Variants in FMN2 observed in about 807,000 individuals in gnomAD.
FMN2 encodes the protein formin-2.
A neutral mutation model predicts 142.3 loss-of-function variants in FMN2; 51 were observed. That is an observed-to-expected ratio of 0.36 (90% CI 0.29 to 0.45). The LOEUF (loss-of-function observed/expected upper bound fraction) is 0.45. FMN2 is among the 20% of genes least tolerant of loss of function. FMN2 has a pLI of 1.00. For synonymous variants in FMN2, 882 were observed against 869.8 expected (o/e 1.01, Z -0.25); for missense variants, 1,936 against 2,122.8 (o/e 0.91, Z 1.73).
At chr1:240,179,805 G>A (rs571176550) in intron 3 of FMN2, among the ~76,000 whole-genome samples, 4 of 152,258 alleles carry the variant, frequency 2.6e-5, no homozygotes, top group East Asian at 1.9e-4. Context: ...TGCATGGAGA[G>A]CCCTTTTATC....
intron 14 of FMN2, among the ~76,000 whole-genome samples, chr1:240,370,662 C>T (rs1009321633): frequency 6.6e-6 from 1 of 152,066 alleles, no homozygotes; most frequent in Admixed American, 6.6e-5. Flanking sequence ...TCACATGTGT[C>T]CACTCCACTC....
Position 240,329,368 on chromosome 1 carries a change from A to G in FMN2, c.4337A>G (p.Asn1446Ser), listed in dbSNP as rs753960077. 15 of 1,613,550 alleles carry G rather than the reference A, an allele frequency of 9.3e-6. No homozygotes were observed. Among genetic ancestry groups the G allele is most frequent in the South Asian group, 7.7e-5 (7 of 90,918 alleles). ...CTTTATGAACTGTCACTAATCCCCA[A>G]CTTTTCAGAGCGAGTCTTTTGCATC... Reference protein sequence around the residue: ...QFLYELSLIPNFSERVFCILF... With the variant: ...QFLYELSLIPSFSERVFCILF... Residue 1446 changes from asparagine (N) to serine (S), a missense_variant, in exon 10 of 18, where the codon AAC (asparagine) becomes AGC (serine). Coordinates refer to ENST00000319653, the MANE Select transcript of FMN2 (RefSeq NM_020066.5).
At chr1:240,222,734 A>C (rs943776967) in intron 6 of FMN2, among the ~76,000 whole-genome samples, 1 of 151,832 alleles carries the variant, frequency 6.6e-6, no homozygotes, top group African/African-American at 2.4e-5. Flanking sequence ...ATTCCTAGGT[A>C]TTTTATTCTC....
In FMN2 at chr1:240,434,584, T is replaced by C. The variant is rs1213333684; in HGVS notation, c.4911-3477T>C. 4.0e-5 allele frequency among the ~76,000 whole-genome samples: 6 copies of C among 151,388 alleles called. No individual in the cohort carries two copies. The East Asian group carries it at 5.8e-4, about 15-fold the overall frequency. On this transcript the variant is annotated intron_variant, in intron 15 of 17. Coordinates refer to ENST00000319653, the MANE Select transcript of FMN2 (RefSeq NM_020066.5). Reference sequence around the variant, plus strand: ...TTTTTTGTTTTTTGTTTTTTTGAGATGGAGTCTCGCTCTGTCACCCAGGCT... The same window carrying C: ...TTTTTTGTTTTTTGTTTTTTTGAGACGGAGTCTCGCTCTGTCACCCAGGCT...
intron 16 of FMN2, among the ~76,000 whole-genome samples, chr1:240,444,441 G>A (rs1675737129): frequency 1.3e-5 from 2 of 152,164 alleles, no homozygotes; most frequent in South Asian, 4.1e-4. Context: ...GTGTATTGTG[G>A]CCTATCATTA....
At chr1:240,367,404 TAA>T (rs1410439173) in intron 14 of FMN2, among the ~76,000 whole-genome samples, 2 of 152,228 alleles carry the variant, frequency 1.3e-5, no homozygotes, top group African/African-American at 2.4e-5. Context: ...CTATTGATTT[TAA>T]AAGTTCTTTA....
chr1:240,412,119 G>A (rs1187661818), intron 15 of FMN2, among the ~76,000 whole-genome samples: 1 of 152,158 alleles, frequency 6.6e-6, no homozygotes, highest in African/African-American at 2.4e-5. Flanking sequence ...GAAGAGGGAT[G>A]CCAATTCAAA....
At chr1:240,275,694 T>C (rs528197862) in intron 7 of FMN2, among the ~76,000 whole-genome samples, 1 of 152,246 alleles carries the variant, frequency 6.6e-6, no homozygotes, top group South Asian at 2.1e-4. Context: ...TTGAACTAAT[T>C]TACACTCTCA....
intron 16 of FMN2, among the ~76,000 whole-genome samples, chr1:240,465,459 T>C (rs1676585600): frequency 6.6e-6 from 1 of 151,970 alleles, no homozygotes; most frequent in African/African-American, 2.4e-5. Context: ...GACCTGATGG[T>C]GTTATGTTTT....
intron 6 of FMN2, among the ~76,000 whole-genome samples, chr1:240,250,585 A>G (rs979915141): frequency 2.0e-5 from 3 of 152,186 alleles, no homozygotes; most frequent in Non-Finnish European, 4.4e-5. Flanking sequence ...TATCAGGGTA[A>G]TGCTGACCTG....
chr1:240,220,305 C>T (rs1180829251), intron 6 of FMN2, among the ~76,000 whole-genome samples: 1 of 152,162 alleles, frequency 6.6e-6, no homozygotes, highest in Non-Finnish European at 1.5e-5. Flanking sequence ...CCCAGCTCTG[C>T]TCTACTCTAG....
Position 240,132,515 on chromosome 1 carries a change from G to A in FMN2, c.1782+9170G>A, listed in dbSNP as rs1034177443. On this transcript the variant is annotated intron_variant, in intron 2 of 17. Transcript: ENST00000319653. Reference sequence around the variant, plus strand: ...CAGTCCATGGTGGAGAGGTAGGCTCGTTGTGATTAGAATTGAGAAGCTCAG... The same window carrying A: ...CAGTCCATGGTGGAGAGGTAGGCTCATTGTGATTAGAATTGAGAAGCTCAG... 9.9e-5 allele frequency among the ~76,000 whole-genome samples: 15 copies of A among 152,230 alleles called. 1 individual carries two copies. In the Middle Eastern group the frequency reaches 0.01, roughly 104 times the overall value.
intron 2 of FMN2, among the ~76,000 whole-genome samples, chr1:240,139,590 AAAAG>A (rs934545504): frequency 3.9e-5 from 6 of 152,228 alleles, no homozygotes; most frequent in African/African-American, 1.4e-4. Flanking sequence ...ATATTTTTTA[AAAAG>A]AAAGAAGGAG....
intron 4 of FMN2, among the ~76,000 whole-genome samples, chr1:240,197,699 G>A (rs1258083838): frequency 6.6e-6 from 1 of 151,136 alleles, no homozygotes; most frequent in Non-Finnish European, 1.5e-5. Flanking sequence ...AGAGAATAGG[G>A]AAAGCATTGT....
At chr1:240,110,939 G>T (rs993263616) in intron 1 of FMN2, among the ~76,000 whole-genome samples, 53 of 152,254 alleles carry the variant, frequency 3.5e-4, no homozygotes, top group African/African-American at 1.2e-3. Flanking sequence ...ATTTGAATCT[G>T]TGATTACCTT....
intron 6 of FMN2, among the ~76,000 whole-genome samples, chr1:240,212,430 A>G (rs1352210719): frequency 1.3e-5 from 2 of 152,222 alleles, no homozygotes; most frequent in Non-Finnish European, 2.9e-5. Flanking sequence ...TTGTTGCATT[A>G]TCACTGGTTG....
intron 5 of FMN2, 137 bp downstream of exon 5, chr1:240,208,869 T>G: frequency 8.9e-7 from 1 of 1,124,530 alleles, no homozygotes; most frequent in Non-Finnish European, 1.2e-6. Context: ...TACATCAATA[T>G]ATAGTGCAGC....
At chr1:240,235,429 G>A (rs1667672833) in intron 6 of FMN2, among the ~76,000 whole-genome samples, 1 of 145,830 alleles carries the variant, frequency 6.9e-6, no homozygotes, top group Non-Finnish European at 1.5e-5. Flanking sequence ...TTTTTTTTCA[G>A]AGATGAGGGT....
At chr1:240,310,264 C>A (rs76276240) in intron 8 of FMN2, among the ~76,000 whole-genome samples, 3,355 of 152,248 alleles carry the variant, frequency 0.022, 121 homozygotes, top group African/African-American at 0.075. Context: ...AAATACAACA[C>A]ACTTTCTTTT....
Sources: allele counts gnomAD v4.1 joint callset (sites outside exome capture counted in the v4.1 genomes callset), GRCh38; gene constraint gnomAD v4.1.1; transcripts MANE v1.5; gene names NCBI Gene and HGNC (gene_info 2026-07-23, HGNC 2026-07-21).